Variants in UBE2E2 observed in about 807,000 individuals in gnomAD.
UBE2E2 encodes ubiquitin-conjugating enzyme E2 E2.
A neutral mutation model predicts 24.7 loss-of-function variants in UBE2E2; 6 were observed. The ratio of observed to expected loss-of-function variants is 0.24; its 90% CI spans 0.13 to 0.48. The LOEUF (loss-of-function observed/expected upper bound fraction) is 0.48. Ranked by LOEUF, UBE2E2 falls within the 20% of genes least tolerant of loss-of-function variation. UBE2E2 has a pLI of 0.99. For missense variants in UBE2E2, 169 were observed against 245.0 expected, an observed-to-expected ratio of 0.69 and a Z score of 2.07; for synonymous variants, 104 against 83.6, an observed-to-expected ratio of 1.24 and a Z score of -1.33.
At chr3:23,274,781 G>C (rs1209002850) in intron 3 of UBE2E2, among the ~76,000 whole-genome samples, 1 of 152,122 alleles carries the variant, frequency 6.6e-6, no homozygotes, top group Admixed American at 6.5e-5. Context: ...TAAATATTCT[G>C]AGTAGCTCTT....
intron 3 of UBE2E2, among the ~76,000 whole-genome samples, chr3:23,446,996 T>G (rs531819052): frequency 8.7e-4 from 133 of 152,274 alleles, no homozygotes; most frequent in African/African-American, 2.9e-3. Context: ...AAAACAGTCC[T>G]TACATGCTGT....
At chr3:23,502,073 GGT>G (rs1320326257) in intron 4 of UBE2E2, among the ~76,000 whole-genome samples, 4 of 152,040 alleles carry the variant, frequency 2.6e-5, no homozygotes. Context: ...AAAAACTTGG[GGT>G]GTAGTGAAGG....
intron 3 of UBE2E2, among the ~76,000 whole-genome samples, chr3:23,271,357 G>C (rs936834163): frequency 6.6e-6 from 1 of 152,172 alleles, no homozygotes; most frequent in African/African-American, 2.4e-5. Context: ...AGACCTTCAC[G>C]GTGAGTGTTG....
At chr3:23,581,149 C>G (rs1178089871) in intron 5 of UBE2E2, among the ~76,000 whole-genome samples, 1 of 152,044 alleles carries the variant, frequency 6.6e-6, no homozygotes, top group African/African-American at 2.4e-5. Context: ...TAGCTCCCCA[C>G]AATCTTGAAC....
chr3:23,385,497 G>T (rs1471410311), intron 3 of UBE2E2, among the ~76,000 whole-genome samples: 1 of 152,188 alleles, frequency 6.6e-6, no homozygotes, highest in Non-Finnish European at 1.5e-5. Flanking sequence ...TGGTTTCAAG[G>T]ATGGTAAATT....
At chr3:23,395,608 C>T (rs945832998) in intron 3 of UBE2E2, among the ~76,000 whole-genome samples, 1 of 152,120 alleles carries the variant, frequency 6.6e-6, no homozygotes, top group African/African-American at 2.4e-5. Flanking sequence ...GGTTCTCTAT[C>T]GAATTCATAT....
intron 3 of UBE2E2, among the ~76,000 whole-genome samples, chr3:23,317,966 T>C (rs967885606): frequency 3.3e-5 from 5 of 151,866 alleles, no homozygotes; most frequent in African/African-American, 1.2e-4. Context: ...TAGATAGTTG[T>C]TAAATTTGGT....
At chr3:23,353,485 C>A (rs1439748403) in intron 3 of UBE2E2, among the ~76,000 whole-genome samples, 1 of 152,158 alleles carries the variant, frequency 6.6e-6, no homozygotes, top group Non-Finnish European at 1.5e-5. Flanking sequence ...ATCTAGAAAA[C>A]CCCATCGTGT....
chr3:23,448,719 T>G (rs1695200), intron 3 of UBE2E2, among the ~76,000 whole-genome samples: 7 of 151,912 alleles, frequency 4.6e-5, no homozygotes, highest in Non-Finnish European at 1.0e-4. Context: ...TTTATCCTCA[T>G]CTTTCTTGTA....
intron 5 of UBE2E2, among the ~76,000 whole-genome samples, chr3:23,568,753 A>G (rs1279092328): frequency 1.4e-5 from 2 of 143,226 alleles, no homozygotes; most frequent in South Asian, 2.2e-4. Flanking sequence ...ATATATATGT[A>G]TAACACTTTA....
intron 3 of UBE2E2, among the ~76,000 whole-genome samples, chr3:23,480,230 G>T (rs1395709520): frequency 1.3e-5 from 2 of 152,228 alleles, no homozygotes; most frequent in African/African-American, 4.8e-5. Context: ...TGGTGTGTCA[G>T]TGCTGCCCTG....
Position 23,302,868 on chromosome 3 carries a change from A to G in UBE2E2, c.227+85556A>G, listed in dbSNP as rs1699136426. On this transcript the variant is annotated intron_variant, in intron 3 of 5. Transcript: ENST00000396703. Reference sequence around the variant, plus strand: ...TATAGACTGCTGATCCCTGTTCTAGAGTAGTAACTAACAACTGCTTCCCCT... The same window carrying G: ...TATAGACTGCTGATCCCTGTTCTAGGGTAGTAACTAACAACTGCTTCCCCT... Among the ~76,000 whole-genome samples, 3 of 152,234 alleles carry G rather than the reference A, an allele frequency of 2.0e-5. No individual in the cohort carries two copies. The South Asian group carries it at 6.2e-4, about 32-fold the overall frequency.
intron 4 of UBE2E2, 111 bp from the exon 5 acceptor site, chr3:23,532,443 C>G (rs772546369): frequency 1.1e-6 from 1 of 916,546 alleles, no homozygotes. Flanking sequence ...TAACCAATAG[C>G]CTGGGCTATT....
intron 3 of UBE2E2, among the ~76,000 whole-genome samples, chr3:23,335,900 G>C (rs1695194586): frequency 6.6e-6 from 1 of 152,156 alleles, no homozygotes; most frequent in African/African-American, 2.4e-5. Context: ...AAGGTGTACA[G>C]TTTGACTTAG....
At chr3:23,371,249 T>C (rs1028681018) in intron 3 of UBE2E2, among the ~76,000 whole-genome samples, 9 of 152,116 alleles carry the variant, frequency 5.9e-5, no homozygotes, top group Non-Finnish European at 1.3e-4. Context: ...CAGGCTGGTC[T>C]TGAACTCCAG....
intron 3 of UBE2E2, among the ~76,000 whole-genome samples, chr3:23,405,446 G>A (rs1385173035): frequency 6.6e-6 from 1 of 152,120 alleles, no homozygotes; most frequent in African/African-American, 2.4e-5. Context: ...CTCAACCATG[G>A]CACACTGTCT....
rs967728296 is a variant in UBE2E2, at chr3:23,474,882, C to G, written c.228-24726C>G. On this transcript the variant is annotated intron_variant, in intron 3 of 5. Transcript: ENST00000396703. The surrounding 1 kb of genome is among the most constrained non-coding windows in gnomAD (Gnocchi z 4.0). ...TCTCTAGCTTTTCACATCCAGACTTCTAGAAACAGAAACACATTGTCTCTC... is the reference window on the plus strand; with the variant it reads ...TCTCTAGCTTTTCACATCCAGACTTGTAGAAACAGAAACACATTGTCTCTC... Among the ~76,000 whole-genome samples, 1 of 152,058 alleles carries G rather than the reference C, an allele frequency of 6.6e-6. No homozygotes were observed. The highest frequency in any genetic ancestry group is 1.9e-4 in the East Asian group (1 of 5,200).
At chr3:23,428,082 C>T (rs529916129) in intron 3 of UBE2E2, among the ~76,000 whole-genome samples, 13 of 152,248 alleles carry the variant, frequency 8.5e-5, no homozygotes, top group East Asian at 7.7e-4. Flanking sequence ...AATTGAAATC[C>T]GTTTACTACA....
intron 3 of UBE2E2, among the ~76,000 whole-genome samples, chr3:23,460,833 T>G (rs1367221156): frequency 6.6e-6 from 1 of 152,220 alleles, no homozygotes; most frequent in Admixed American, 6.5e-5. Flanking sequence ...ATTTTATTGA[T>G]TTTTAAGAAA....
Sources: allele counts gnomAD v4.1 joint callset (sites outside exome capture counted in the v4.1 genomes callset), GRCh38; gene constraint gnomAD v4.1.1; non-coding constraint Gnocchi (gnomAD v3.1); transcripts MANE v1.5; gene names NCBI Gene and HGNC (gene_info 2026-07-23, HGNC 2026-07-21).